The following FRMPD4 variants were observed in gnomAD, a reference collection of about 807,000 sequenced individuals.
The protein encoded by FRMPD4 is FERM and PDZ domain-containing protein 4.
In FRMPD4, 22 loss-of-function variants were observed where a neutral mutation model predicts 94.1. The ratio of observed to expected loss-of-function variants is 0.23; its 90% confidence interval spans 0.17 to 0.33. The LOEUF is 0.33. Among genes scored for constraint, FRMPD4 ranks in the 10% least tolerant of loss-of-function variants. The pLI, the probability that FRMPD4 is intolerant of heterozygous loss-of-function variation, is 1.00. For synonymous variants in FRMPD4, 631 were observed against 548.6 expected (o/e 1.15, Z -2.10); for missense variants, 1,111 against 1,339.9 (o/e 0.83, Z 2.67).
chrX:12,427,897 C>CTTTTTTTTTTTT (rs139267482), intron 1 of FRMPD4, among the ~76,000 whole-genome samples: 1 of 54,771 alleles, frequency 1.8e-5, no homozygotes, highest in Non-Finnish European at 3.1e-5. Context: ...CCTTTTTTCT[C>CTTTTTTTTTTTT]TTTTTTTTTT....
intron 1 of FRMPD4, among the ~76,000 whole-genome samples, chrX:12,302,308 C>G (rs923214844): frequency 2.7e-5 from 3 of 112,050 alleles, no homozygotes; most frequent in African/African-American, 9.7e-5. Flanking sequence ...AAGTCTACCA[C>G]TCACCAACAT....
At chrX:11,826,583 CA>C (rs1309578306) in intron 1 of FRMPD4, among the ~76,000 whole-genome samples, 1 of 111,999 alleles carries the variant, frequency 8.9e-6, no homozygotes, top group African/African-American at 3.2e-5. Flanking sequence ...TCTCTTTAGT[CA>C]TTTTTATAGG....
intron 2 of FRMPD4, among the ~76,000 whole-genome samples, chrX:12,556,483 C>G (rs902723091): frequency 9.0e-6 from 1 of 111,115 alleles, no homozygotes; most frequent in African/African-American, 3.3e-5. Context: ...GGAACTGAAT[C>G]CTTCCAAAAA....
intron 3 of FRMPD4, among the ~76,000 whole-genome samples, chrX:12,030,797 AT>A (rs1315934385): frequency 8.9e-6 from 1 of 112,006 alleles, no homozygotes; most frequent in Admixed American, 9.5e-5. Context: ...AGGATGAGGA[AT>A]AAAGGCTATG....
At chrX:12,438,515 C>A (rs1161020465) in intron 1 of FRMPD4, among the ~76,000 whole-genome samples, 1 of 110,072 alleles carries the variant, frequency 9.1e-6, no homozygotes, top group East Asian at 2.8e-4. Context: ...CTCATCATTC[C>A]TAGTAATGAT....
chrX:11,870,623 C>T (rs2053750871), intron 2 of FRMPD4, among the ~76,000 whole-genome samples: 1 of 111,428 alleles, frequency 9.0e-6, no homozygotes, highest in Admixed American at 9.5e-5. Context: ...GATACCCACT[C>T]CCAACCAAAC....
intron 1 of FRMPD4, among the ~76,000 whole-genome samples, chrX:12,492,352 G>T (rs1220085092): frequency 1.8e-5 from 2 of 112,121 alleles, no homozygotes; most frequent in African/African-American, 3.2e-5. Context: ...GCTGTGAGAG[G>T]CTTGTGCTGA....
chrX:12,680,139 A>T (rs1248866222), intron 5 of FRMPD4, among the ~76,000 whole-genome samples: 2 of 112,544 alleles, frequency 1.8e-5, no homozygotes, highest in African/African-American at 6.5e-5. Flanking sequence ...AACTTCTAAG[A>T]GCATTCAAAA....
intron 1 of FRMPD4, among the ~76,000 whole-genome samples, chrX:12,346,092 G>A (rs2055705285): frequency 9.4e-6 from 1 of 106,332 alleles, no homozygotes; most frequent in Non-Finnish European, 1.9e-5. Flanking sequence ...AAAGATTAAT[G>A]TAATTGTCTT....
intron 1 of FRMPD4, among the ~76,000 whole-genome samples, chrX:12,480,943 CTT>C (rs1357791131): frequency 4.8e-4 from 54 of 111,742 alleles, no homozygotes; most frequent in African/African-American, 1.6e-3. Context: ...TTAGGATTGT[CTT>C]TTTTCTACCA....
At chrX:12,424,965 T>C (rs1170078060) in intron 1 of FRMPD4, among the ~76,000 whole-genome samples, 2 of 112,445 alleles carry the variant, frequency 1.8e-5, no homozygotes, top group East Asian at 5.5e-4. Context: ...AATTCAGTTT[T>C]TTTTCCCCCA....
chrX:12,071,159 A>G (rs1010991652), intron 3 of FRMPD4, among the ~76,000 whole-genome samples: 4 of 110,826 alleles, frequency 3.6e-5, no homozygotes, highest in African/African-American at 1.3e-4. Flanking sequence ...TGGGGTGGTA[A>G]ACAGGCTTCC....
chrX:11,867,474 G>A lies in FRMPD4; in HGVS notation c.-30+2258G>A, dbSNP rs1393229412. ...TGAACGTATTGCGGGTGCTCTGACA[G>A]ACCCCTTGATAACTCTTTCACCTTG... On this transcript the variant is annotated intron_variant, in intron 2 of 18. Coordinates refer to the FRMPD4 transcript ENST00000640291. 9.0e-5 allele frequency among the ~76,000 whole-genome samples: 10 copies of A among 111,469 alleles called. No individual in the cohort carries two copies. The Admixed American group carries it at 9.6e-4, about 11-fold the overall frequency.
chrX:11,997,489 T>A (rs187374364), intron 3 of FRMPD4, among the ~76,000 whole-genome samples: 1 of 111,707 alleles, frequency 9.0e-6, no homozygotes, highest in East Asian at 2.9e-4. Context: ...ATGCATTTAC[T>A]TATCTTGCTT....
intron 1 of FRMPD4, among the ~76,000 whole-genome samples, chrX:11,828,783 A>G (rs1272809289): frequency 8.9e-6 from 1 of 112,221 alleles, no homozygotes; most frequent in East Asian, 2.8e-4. Flanking sequence ...AAAGAATCTC[A>G]TTATTTAGTC....
intron 3 of FRMPD4, among the ~76,000 whole-genome samples, chrX:11,907,276 T>TA (rs1343435568): frequency 7.2e-5 from 8 of 110,959 alleles, no homozygotes; most frequent in African/African-American, 1.3e-4. Context: ...CAGAGTCCAT[T>TA]AAAAAAATCA....
chrX:12,167,719 A>G (rs1020815166), intron 1 of FRMPD4, among the ~76,000 whole-genome samples: 1 of 112,060 alleles, frequency 8.9e-6, no homozygotes, highest in African/African-American at 3.2e-5. Flanking sequence ...AGACGATATA[A>G]TGGACTTTCC....
intron 3 of FRMPD4, among the ~76,000 whole-genome samples, chrX:12,075,677 A>G (rs1404177232): frequency 1.8e-5 from 2 of 111,694 alleles, no homozygotes; most frequent in Non-Finnish European, 1.9e-5. Flanking sequence ...GGCCAGAACT[A>G]AATGATAATC....
intron 3 of FRMPD4, among the ~76,000 whole-genome samples, chrX:11,909,246 C>A (rs2147335287): frequency 8.9e-6 from 1 of 111,964 alleles, no homozygotes; most frequent in Admixed American, 9.4e-5. Context: ...GTAGGCTATT[C>A]AGGTAATCCA....
Sources: allele counts gnomAD v4.1 joint callset (sites outside exome capture counted in the v4.1 genomes callset), GRCh38; gene constraint gnomAD v4.1.1; transcripts MANE v1.5; gene names NCBI Gene and HGNC (gene_info 2026-07-23, HGNC 2026-07-21).